The following AGBL1 variants were observed in gnomAD, a reference collection of about 807,000 sequenced individuals.
AGBL1 encodes AGBL carboxypeptidase 1.
In AGBL1, 130 loss-of-function variants were observed where a neutral mutation model predicts 118.9. That is an observed-to-expected ratio of 1.09 (90% CI 0.95 to 1.26). The LOEUF (loss-of-function observed/expected upper bound fraction) is 1.26. Ranked by LOEUF, AGBL1 falls within the 50% of genes most tolerant of loss-of-function variation. AGBL1 has a pLI of 0.00. For missense variants in AGBL1, 1,584 were observed against 1,298.1 expected (o/e 1.22, Z -3.38); for synonymous variants, 555 against 478.9 (o/e 1.16, Z -2.08).
intron 21 of AGBL1, among the ~76,000 whole-genome samples, chr15:86,571,953 C>T (rs367622205): frequency 1.3e-5 from 2 of 152,228 alleles, no homozygotes; most frequent in African/African-American, 4.8e-5. Flanking sequence ...AGGCCAGCAT[C>T]AGCTGTCCTC....
intron 6 of AGBL1, among the ~76,000 whole-genome samples, chr15:86,240,353 A>G (rs2078621963): frequency 6.6e-6 from 1 of 152,240 alleles, no homozygotes; most frequent in Non-Finnish European, 1.5e-5. Context: ...TTATCCAGAA[A>G]CATCTTCTAA....
In AGBL1 at chr15:87,028,751, C is replaced by A. The variant is rs548456298; in HGVS notation, c.3324-74C>A. ...TTCGTATCTCTAAAAGGTCAATTTG[C>A]CAAACTTGTGGCACAAACCAGAAGT... is the stretch of plus-strand genomic sequence containing the variant. On this transcript the variant is annotated intron_variant, in intron 24 of 24. Coordinates refer to the AGBL1 transcript ENST00000441037. 5.5e-5 allele frequency: 80 copies of A among 1,453,716 alleles called. No homozygotes were observed. In the Admixed American group the frequency reaches 7.5e-4, roughly 14 times the overall value. The allele number at this position is 1,453,716 out of a possible 1,614,324, so 90.1% of individuals were successfully genotyped here. A position where few individuals can be genotyped will look rare whatever the true frequency, so the allele number is the denominator to read the frequency against.
intron 23 of AGBL1, among the ~76,000 whole-genome samples, chr15:86,979,199 T>A (rs2081204116): frequency 6.6e-6 from 1 of 152,166 alleles, no homozygotes; most frequent in Admixed American, 6.5e-5. Flanking sequence ...ATCTGAGCAA[T>A]TAAAATATAA....
chr15:86,857,159 G>A (rs1450530892), intron 22 of AGBL1, among the ~76,000 whole-genome samples: 1 of 152,158 alleles, frequency 6.6e-6, no homozygotes, highest in East Asian at 1.9e-4. Context: ...CAGCCAGCAT[G>A]CTGTCCAGGC....
intron 22 of AGBL1, among the ~76,000 whole-genome samples, chr15:86,905,217 C>T (rs562262802): frequency 6.6e-5 from 10 of 152,188 alleles, no homozygotes; most frequent in African/African-American, 2.2e-4. Flanking sequence ...ACTTGATGCG[C>T]GGGAGAACTG....
chr15:87,027,246 G>A (rs565627521), intron 24 of AGBL1, among the ~76,000 whole-genome samples: 1 of 152,122 alleles, frequency 6.6e-6, no homozygotes, highest in African/African-American at 2.4e-5. Flanking sequence ...TCTCACACCA[G>A]TTAGAATGGG....
intron 17 of AGBL1, among the ~76,000 whole-genome samples, chr15:86,333,493 A>G (rs953368472): frequency 1.3e-5 from 2 of 152,220 alleles, no homozygotes; most frequent in African/African-American, 4.8e-5. Context: ...GAAGAAATTG[A>G]AACCCTGAAA....
At chr15:86,639,681 C>T (rs1310155659) in intron 21 of AGBL1, among the ~76,000 whole-genome samples, 1 of 152,154 alleles carries the variant, frequency 6.6e-6, no homozygotes, top group Non-Finnish European at 1.5e-5. Flanking sequence ...CAAATGTCCA[C>T]TGACAAAGTC....
chr15:86,141,618 C>G (rs903536983), intron 1 of AGBL1, among the ~76,000 whole-genome samples: 1 of 152,026 alleles, frequency 6.6e-6, no homozygotes. Context: ...ACCACTGCAC[C>G]CCCGCCTGGG....
chr15:86,671,975 C>T (rs2085753772), intron 21 of AGBL1, among the ~76,000 whole-genome samples: 2 of 152,104 alleles, frequency 1.3e-5, no homozygotes, highest in Admixed American at 1.3e-4. Context: ...AGGTCATCTA[C>T]ATAAACAAAT....
At chr15:86,160,248 G>A (rs1296309891) in intron 5 of AGBL1, among the ~76,000 whole-genome samples, 2 of 151,584 alleles carry the variant, frequency 1.3e-5, no homozygotes, top group Non-Finnish European at 2.9e-5. Context: ...CCCTCATCTA[G>A]TAGGTAAAAA....
intron 22 of AGBL1, among the ~76,000 whole-genome samples, chr15:86,877,658 C>G (rs909971686): frequency 6.6e-6 from 1 of 152,142 alleles, no homozygotes; most frequent in Non-Finnish European, 1.5e-5. Flanking sequence ...CCCTCTGACC[C>G]TGGGAGACAA....
At chr15:86,770,594 G>A (rs1014531512) in intron 22 of AGBL1, among the ~76,000 whole-genome samples, 2 of 151,956 alleles carry the variant, frequency 1.3e-5, no homozygotes, top group Non-Finnish European at 2.9e-5. Flanking sequence ...GTGTCTCACC[G>A]AAGGATGGCA....
chr15:86,171,581 G>C (rs2077416030), intron 5 of AGBL1, among the ~76,000 whole-genome samples: 1 of 152,150 alleles, frequency 6.6e-6, no homozygotes, highest in Non-Finnish European at 1.5e-5. Flanking sequence ...AAAGGTAGTT[G>C]AAGGACAGGT....
chr15:86,617,758 GCGCACACACA>G (rs932166297), intron 21 of AGBL1, among the ~76,000 whole-genome samples: 3 of 82,294 alleles, frequency 3.6e-5, no homozygotes, highest in African/African-American at 1.4e-4. Context: ...TCAACTTTAT[GCGCACACACA>G]CACACACACA....
At chr15:86,142,098 T>TA in intron 2 of AGBL1, 31 bp downstream of exon 2, 1 of 1,547,378 alleles carries the variant, frequency 6.5e-7, no homozygotes, top group Non-Finnish European at 8.7e-7. Context: ...TGCTTTCATA[T>TA]GGCGGATGTG....
At chr15:86,923,171 T>C (rs2080497304) in intron 23 of AGBL1, among the ~76,000 whole-genome samples, 3 of 152,202 alleles carry the variant, frequency 2.0e-5, no homozygotes, top group African/African-American at 7.2e-5. Flanking sequence ...CCAGATAACT[T>C]TGAACACATG....
intron 18 of AGBL1, among the ~76,000 whole-genome samples, chr15:86,439,209 T>C (rs2082033592): frequency 6.6e-6 from 1 of 152,072 alleles, no homozygotes; most frequent in Admixed American, 6.6e-5. Flanking sequence ...TATTTAAGGG[T>C]AGTCAGAAAT....
chr15:86,403,316 A>G (rs980990618), intron 18 of AGBL1, among the ~76,000 whole-genome samples: 1 of 152,204 alleles, frequency 6.6e-6, no homozygotes. Flanking sequence ...ATACAACTCT[A>G]AAAACTTGAT....
Sources: allele counts gnomAD v4.1 joint callset (sites outside exome capture counted in the v4.1 genomes callset), GRCh38; gene constraint gnomAD v4.1.1; transcripts MANE v1.5; gene names NCBI Gene and HGNC (gene_info 2026-07-23, HGNC 2026-07-21).